CUX2: variants seen among roughly 807,000 people sequenced by gnomAD.
The protein encoded by CUX2 is cut like homeobox 2.
Under a neutral mutation model 144.8 loss-of-function variants are expected in CUX2, and 40 were observed. The ratio of observed to expected loss-of-function variants is 0.28; its 90% CI spans 0.21 to 0.36. The LOEUF (loss-of-function observed/expected upper bound fraction) is 0.36, where lower values mean the gene tolerates loss of function less well. CUX2 is among the 10% of genes least tolerant of loss of function. The pLI is 1.00. For missense variants in CUX2, 1,615 were observed against 1,994.0 expected (o/e 0.81, Z 3.62); for synonymous variants, 827 against 875.6 (o/e 0.94, Z 0.98).
intron 1 of CUX2, among the ~76,000 whole-genome samples, chr12:111,071,562 GT>G (rs1001501239): frequency 6.6e-6 from 1 of 152,100 alleles, no homozygotes; most frequent in African/African-American, 2.4e-5. Flanking sequence ...TCTGTGGCTT[GT>G]TTTCTCATTC....
In CUX2 at chr12:111,307,996, T is replaced by A. The variant is rs1886684576; in HGVS notation, c.1110-289T>A. 6.6e-6 allele frequency among the ~76,000 whole-genome samples: 1 copy of A among 152,084 alleles called. No homozygotes were observed. On this transcript the variant is annotated intron_variant, in intron 12 of 21. Coordinates refer to ENST00000261726, the MANE Select transcript of CUX2 (RefSeq NM_015267.4). This position sits in a 1 kb window ranked among gnomAD's most constrained non-coding sequence, Gnocchi z 4.1. ...AAAAAAAGAAGCTGCCTGTAGACCA[T>A]ACAAGGGAACTTATTATAGGCATGG...
chr12:111,215,477 C>T (rs1881482168), intron 2 of CUX2, among the ~76,000 whole-genome samples: 1 of 152,126 alleles, frequency 6.6e-6, no homozygotes, highest in Non-Finnish European at 1.5e-5. Flanking sequence ...AGAATTTGTC[C>T]ATGGAGCAAG....
chr12:111,235,874 G>A (rs1351710024), intron 3 of CUX2, among the ~76,000 whole-genome samples: 1 of 152,148 alleles, frequency 6.6e-6, no homozygotes, highest in African/African-American at 2.4e-5. Context: ...CTCAGGTTTT[G>A]GGGGCCAGTG....
intron 21 of CUX2, 54 bp from the exon 22 acceptor site, chr12:111,347,470 C>T: frequency 6.6e-7 from 1 of 1,503,804 alleles, no homozygotes; most frequent in Non-Finnish European, 8.9e-7. Flanking sequence ...AGATGGAGTC[C>T]AGGGTTTGGG....
intron 4 of CUX2, among the ~76,000 whole-genome samples, chr12:111,278,817 A>T (rs1884997531): frequency 6.6e-6 from 1 of 152,158 alleles, no homozygotes; most frequent in African/African-American, 2.4e-5. Context: ...GAATAATACC[A>T]TTGGACAAAG....
chr12:111,101,528 A>G (rs538863026), intron 1 of CUX2, among the ~76,000 whole-genome samples: 1 of 152,270 alleles, frequency 6.6e-6, no homozygotes, highest in Admixed American at 6.5e-5. Flanking sequence ...ATGTTGTGGT[A>G]TCACCCTCTG....
intron 1 of CUX2, chr12:111,100,157 G>T (rs780651936): frequency 1.2e-4 from 53 of 431,868 alleles, no homozygotes; most frequent in African/African-American, 9.8e-4. Flanking sequence ...AGGACTTGGG[G>T]GATGTGAGAG....
At chr12:111,276,707 G>A (rs1414548783) in intron 4 of CUX2, among the ~76,000 whole-genome samples, 1 of 152,194 alleles carries the variant, frequency 6.6e-6, no homozygotes, top group Non-Finnish European at 1.5e-5. Flanking sequence ...AGGCTGGAGT[G>A]CAGTGGCACC....
intron 3 of CUX2, among the ~76,000 whole-genome samples, chr12:111,241,802 C>G (rs913263963): frequency 3.3e-5 from 5 of 152,274 alleles, no homozygotes; most frequent in African/African-American, 1.2e-4. Context: ...CTGGGACCAC[C>G]CCTGACAGCG....
intron 1 of CUX2, among the ~76,000 whole-genome samples, chr12:111,101,367 AC>A (rs1017146173): frequency 2.0e-5 from 3 of 151,888 alleles, no homozygotes; most frequent in African/African-American, 7.3e-5. Flanking sequence ...GCAGGGTGTG[AC>A]CCCCTACAGC....
At position 111,334,567 on chromosome 12, in the gene CUX2, G is replaced by A. The variant is rs754991347; in HGVS notation, c.3053G>A (p.Arg1018His). Residue 1018 changes from arginine (R) to histidine (H), a missense_variant, in exon 19 of 22, where the codon CGC (arginine) becomes CAC (histidine). Transcript: ENST00000261726. ...SSKENQQPEG[R>H]SSSSLSGKMY... ...AAGGAGAACCAGCAGCCAGAGGGCC[G>A]CTCCAGCTCCTCGTTGAGCGGGAAG... The A allele has an allele frequency of 1.5e-5, 25 of 1,613,894 alleles. No homozygotes were observed. The highest frequency in any genetic ancestry group is 1.9e-5 in the Non-Finnish European group (23 of 1,180,026).
chr12:111,330,686 C>CATATAT (rs57018141), intron 18 of CUX2, among the ~76,000 whole-genome samples: 5 of 59,286 alleles, frequency 8.4e-5, no homozygotes, highest in Non-Finnish European at 1.2e-4. Flanking sequence ...AATACATATA[C>CATATAT]ATATATATAT....
chr12:111,166,971 C>T (rs912729140), intron 1 of CUX2, among the ~76,000 whole-genome samples: 10 of 152,266 alleles, frequency 6.6e-5, no homozygotes, highest in South Asian at 2.1e-4. Flanking sequence ...GGGAATTATT[C>T]GGCAACCTTG....
At chr12:111,203,560 GA>G (rs79337644) in intron 1 of CUX2, among the ~76,000 whole-genome samples, 6 of 148,808 alleles carry the variant, frequency 4.0e-5, no homozygotes, top group South Asian at 2.1e-4. Context: ...AAAAAAAAAA[GA>G]AAAAAAAGAA....
chr12:111,301,614 C>A (rs1299709939), intron 9 of CUX2, among the ~76,000 whole-genome samples: 1 of 152,034 alleles, frequency 6.6e-6, no homozygotes, highest in Admixed American at 6.5e-5. Context: ...AACTCCTGGG[C>A]TCAAGGGATC....
intron 2 of CUX2, 92 bp downstream of exon 2, chr12:111,214,402 A>C (rs1204164952): frequency 2.5e-5 from 18 of 718,078 alleles, no homozygotes; most frequent in Non-Finnish European, 3.8e-5. Flanking sequence ...GATGCAAGTG[A>C]CTAACAAGAA....
At chr12:111,303,258 A>T (rs1886397805) in intron 9 of CUX2, among the ~76,000 whole-genome samples, 1 of 147,492 alleles carries the variant, frequency 6.8e-6, no homozygotes, top group Non-Finnish European at 1.5e-5. Context: ...TCGACCATAG[A>T]CCCAGTTTAG....
intron 1 of CUX2, among the ~76,000 whole-genome samples, chr12:111,166,632 C>A (rs11832125): frequency 0.039 from 5,879 of 152,236 alleles, 173 homozygotes; most frequent in African/African-American, 0.083. Context: ...ATGGAGGGGC[C>A]AGGCTTTGAA....
chr12:111,174,400 C>T (rs1455601587), intron 1 of CUX2, among the ~76,000 whole-genome samples: 2 of 152,190 alleles, frequency 1.3e-5, no homozygotes, highest in Admixed American at 6.5e-5. Context: ...ATCTGTGAAC[C>T]CTAATTTCTC....
Sources: allele counts gnomAD v4.1 joint callset (sites outside exome capture counted in the v4.1 genomes callset), GRCh38; gene constraint gnomAD v4.1.1; non-coding constraint Gnocchi (gnomAD v3.1); transcripts MANE v1.5; gene names NCBI Gene and HGNC (gene_info 2026-07-23, HGNC 2026-07-21).